Variants in P4HA1 observed in about 807,000 individuals in gnomAD.
P4HA1 encodes prolyl 4-hydroxylase subunit alpha 1.
In P4HA1, 24 loss-of-function variants were observed where a neutral mutation model predicts 72.8. That is an observed-to-expected ratio of 0.33 (90% confidence interval 0.24 to 0.46). P4HA1 has a LOEUF of 0.46. Ranked by LOEUF, P4HA1 falls within the 20% of genes least tolerant of loss-of-function variation. The pLI, the probability that P4HA1 is intolerant of heterozygous loss-of-function variation, is 1.00. For missense variants in P4HA1, 446 were observed against 640.6 expected (o/e 0.70, Z 3.28); for synonymous variants, 201 against 218.8 (o/e 0.92, Z 0.72).
At chr10:73,056,561 G>A (rs183065423) in intron 5 of P4HA1, among the ~76,000 whole-genome samples, 3 of 152,090 alleles carry the variant, frequency 2.0e-5, no homozygotes, top group Non-Finnish European at 4.4e-5. Flanking sequence ...GAACCTGAGA[G>A]GCAGAGGTAG....
chr10:73,069,353 T>C (rs929913279), intron 4 of P4HA1, among the ~76,000 whole-genome samples: 14 of 152,208 alleles, frequency 9.2e-5, no homozygotes, highest in African/African-American at 3.1e-4. Flanking sequence ...ATGACATTCA[T>C]TGACAATCAA....
At chr10:73,081,019 CATT>C (rs1841809503) in intron 1 of P4HA1, among the ~76,000 whole-genome samples, 2 of 152,130 alleles carry the variant, frequency 1.3e-5, no homozygotes, top group Admixed American at 6.5e-5. Flanking sequence ...CAAAGAGAAT[CATT>C]ATAGAACATT....
chr10:73,016,625 A>C (rs1226666054), intron 11 of P4HA1, among the ~76,000 whole-genome samples: 1 of 152,168 alleles, frequency 6.6e-6, no homozygotes, highest in Non-Finnish European at 1.5e-5. Flanking sequence ...AAAAATACAA[A>C]AATTAGCTGG....
intron 9 of P4HA1, among the ~76,000 whole-genome samples, chr10:73,034,552 A>G (rs762638173): frequency 1.1e-4 from 17 of 148,468 alleles, no homozygotes; most frequent in Non-Finnish European, 2.5e-4. Context: ...ATATTTGTCA[A>G]TTCTAGCTTA....
At chr10:73,064,046 T>C (rs1359891275) in intron 5 of P4HA1, among the ~76,000 whole-genome samples, 1 of 152,084 alleles carries the variant, frequency 6.6e-6, no homozygotes, top group East Asian at 1.9e-4. Flanking sequence ...AAGAATAAGT[T>C]GTAAATTCCT....
Position 73,053,602 on chromosome 10 carries a change from A to C in P4HA1, c.464-12T>G. 6.2e-7 allele frequency: 1 copy of C among 1,610,498 alleles called. No homozygotes were observed. Among genetic ancestry groups the C allele is most frequent in the Non-Finnish European group, 8.5e-7 (1 of 1,178,268 alleles). ...TTTGTGTTTCACTCCTATGAAAAGA[A>C]AATACAGAGAACTTTAGGAATCTTA... On this transcript the variant is annotated splice_polypyrimidine_tract_variant and intron_variant, in intron 5 of 14. Coordinates refer to ENST00000394890, the MANE Select transcript of P4HA1 (RefSeq NM_001017962.3).
At position 73,037,552 on chromosome 10, in the gene P4HA1, TA is replaced by T. The variant is rs1564624866; in HGVS notation, c.1149-7183del. Among the ~76,000 whole-genome samples, 135 of 32,360 alleles carry T rather than the reference TA, an allele frequency of 4.2e-3. 6 individuals are homozygous for T. Among genetic ancestry groups the T allele is most frequent in the African/African-American group, 0.015 (131 of 8,696 alleles). The allele number at this position is 32,360 out of a possible 152,430, so 21.2% of individuals were successfully genotyped here. ...ATATATATATATATATATATATATA[TA>T]TATATATATATATATATATTTTTTT... On this transcript the variant is annotated intron_variant, in intron 9 of 14. Transcript: ENST00000394890.
chr10:73,054,375 T>C (rs1841087945), intron 5 of P4HA1, among the ~76,000 whole-genome samples: 1 of 152,204 alleles, frequency 6.6e-6, no homozygotes, highest in Non-Finnish European at 1.5e-5. Flanking sequence ...TCTTAGTATA[T>C]TTACAGAGTA....
chr10:73,010,642 G>A (rs1289943192), intron 13 of P4HA1, among the ~76,000 whole-genome samples: 5 of 152,142 alleles, frequency 3.3e-5, no homozygotes, highest in Non-Finnish European at 7.4e-5. Flanking sequence ...GCTGAGGTGG[G>A]AGGATCACTT....
intron 4 of P4HA1, chr10:73,071,192 CAA>C (rs36107511): frequency 0.22 from 22,399 of 102,774 alleles, 2,700 homozygotes; most frequent in African/African-American, 0.4. Flanking sequence ...ACCCTGTCTC[CAA>C]AAAAAAAAAA....
chr10:73,015,314 C>A (rs1308890223), intron 11 of P4HA1, among the ~76,000 whole-genome samples: 1 of 151,986 alleles, frequency 6.6e-6, no homozygotes, highest in Non-Finnish European at 1.5e-5. Flanking sequence ...TTGTAATAGC[C>A]AAAAACTAAA....
intron 1 of P4HA1, among the ~76,000 whole-genome samples, chr10:73,091,771 C>T (rs865940989): frequency 6.6e-6 from 1 of 152,094 alleles, no homozygotes; most frequent in Non-Finnish European, 1.5e-5. Context: ...TTAACTGACT[C>T]GGCAGAGATG....
chr10:73,093,134 AAAAG>A (rs1002892827), intron 1 of P4HA1, among the ~76,000 whole-genome samples: 7 of 151,962 alleles, frequency 4.6e-5, no homozygotes, highest in African/African-American at 1.5e-4. Flanking sequence ...AAAAAAAAAA[AAAAG>A]AGAGAGTAAG....
rs1344490052 is a variant in P4HA1 at position 73,092,406 on chromosome 10, A to G, written c.-33+4360T>C. 1.4e-4 allele frequency among the ~76,000 whole-genome samples: 20 copies of G among 140,382 alleles called. No homozygotes were observed. The Admixed American group carries it at 1.5e-3, about 10-fold the overall frequency. The allele number at this position is 140,382 out of a possible 152,430, so 92.1% of individuals were successfully genotyped here. On this transcript the variant is annotated intron_variant, in intron 1 of 14. Coordinates refer to ENST00000394890, the MANE Select transcript of P4HA1 (RefSeq NM_001017962.3). ...GCACTCTCACCCAGGCTAGAGTGCA[A>G]TGGTGCTATCATAGCTCACTGCAGC...
chr10:73,020,013 G>A (rs1445178600), intron 10 of P4HA1, among the ~76,000 whole-genome samples: 2 of 152,004 alleles, frequency 1.3e-5, no homozygotes, highest in African/African-American at 4.8e-5. Flanking sequence ...CCCAAGTCTG[G>A]GGAAGAGATA....
At chr10:73,039,587 G>A (rs1485223852) in intron 9 of P4HA1, among the ~76,000 whole-genome samples, 1 of 151,972 alleles carries the variant, frequency 6.6e-6, no homozygotes, top group Non-Finnish European at 1.5e-5. Context: ...GATTACAGGC[G>A]TGAGCCACCA....
chr10:73,088,011 CTA>C (rs1439127624), intron 1 of P4HA1, among the ~76,000 whole-genome samples: 3 of 152,022 alleles, frequency 2.0e-5, no homozygotes, highest in African/African-American at 7.2e-5. Context: ...TATTTTTGTC[CTA>C]TGTTTTCTTT....
At chr10:73,023,323 G>T (rs1452630232) in intron 10 of P4HA1, among the ~76,000 whole-genome samples, 2 of 152,184 alleles carry the variant, frequency 1.3e-5, no homozygotes, top group Non-Finnish European at 2.9e-5. Flanking sequence ...CAAGCAAGAA[G>T]AGAGTGGGGG....
intron 1 of P4HA1, among the ~76,000 whole-genome samples, chr10:73,096,221 T>C (rs1216905332): frequency 6.6e-6 from 1 of 152,156 alleles, no homozygotes; most frequent in East Asian, 1.9e-4. Flanking sequence ...AGCCGGAACT[T>C]TCTGGGGAGG....
Sources: allele counts gnomAD v4.1 joint callset (sites outside exome capture counted in the v4.1 genomes callset), GRCh38; gene constraint gnomAD v4.1.1; transcripts MANE v1.5; gene names NCBI Gene and HGNC (gene_info 2026-07-23, HGNC 2026-07-21).